Variants in ART3 observed in about 807,000 individuals in gnomAD.
ART3 encodes ADP-ribosyltransferase 3 (inactive).
ART3 carries 49 observed loss-of-function variants against 48.5 expected under a neutral mutation model. The observed-to-expected ratio is 1.01, with a 90% CI of 0.80 to 1.28. The LOEUF is 1.28. ART3 is among the 50% of genes most tolerant of loss of function. The pLI, the probability that ART3 is intolerant of heterozygous loss-of-function variation, is 0.00. For missense variants in ART3, 438 were observed against 454.3 expected (o/e 0.96, Z 0.33); for synonymous variants, 145 against 157.2 (o/e 0.92, Z 0.58).
chr4:76,089,580 C>T (rs905686053), intron 3 of ART3, among the ~76,000 whole-genome samples: 2 of 152,046 alleles, frequency 1.3e-5, no homozygotes, highest in Non-Finnish European at 2.9e-5. Context: ...TACAGCCTGC[C>T]GAATCATGAG....
At chr4:76,069,892 C>G (rs113864247), upstream of ART3, among the ~76,000 whole-genome samples, 904 of 151,928 alleles carry the variant, frequency 6.0e-3, 7 homozygotes, top group Middle Eastern at 0.052. Flanking sequence ...GCACATATAA[C>G]ATACCCAAGA....
At chr4:76,100,650 TC>T in intron 6 of ART3, 144 bp from the exon 7 acceptor site, 1 of 883,542 alleles carries the variant, frequency 1.1e-6, no homozygotes, top group Non-Finnish European at 1.7e-6. Flanking sequence ...AAAAAAAAAT[TC>T]TGGGGGCTTG....
At chr4:76,027,920 T>TAAAA (rs369793426) in intron 1 of ART3, among the ~76,000 whole-genome samples, 1 of 151,462 alleles carries the variant, frequency 6.6e-6, no homozygotes, top group Admixed American at 6.6e-5. Context: ...TAACCAAATC[T>TAAAA]CAGATAGACT....
intron 1 of ART3, chr4:76,022,776 T>G: frequency 6.2e-7 from 1 of 1,613,062 alleles, no homozygotes; most frequent in Non-Finnish European, 8.5e-7. Context: ...TGATTACTAA[T>G]GCTGATGCAG....
intron 1 of ART3, among the ~76,000 whole-genome samples, chr4:76,016,646 T>A (rs1487612194): frequency 6.6e-6 from 1 of 152,176 alleles, no homozygotes; most frequent in Non-Finnish European, 1.5e-5. Context: ...CAGGCTTATA[T>A]CCTTCCCTGC....
In ART3 at chr4:76,064,649, A is replaced by G. The variant is rs1054232406; in HGVS notation, c.-9-11232A>G. Among the ~76,000 whole-genome samples, 7 of 152,194 alleles carry G rather than the reference A, an allele frequency of 4.6e-5. No homozygotes were observed. In the East Asian group the frequency reaches 7.7e-4, roughly 17 times the overall value. ...TTGACAACATAAAGATAAAAGAACT[A>G]CTGATGGAAGCTGGGAGGTGAAAGG... On this transcript the variant is annotated intron_variant, in intron 1 of 9. Coordinates refer to the ART3 transcript ENST00000341029.
intron 1 of ART3, among the ~76,000 whole-genome samples, chr4:76,058,375 T>C (rs1005627035): frequency 6.6e-6 from 1 of 152,198 alleles, no homozygotes; most frequent in African/African-American, 2.4e-5. Flanking sequence ...CTGATTAGTG[T>C]ACCTAATGTA....
At chr4:76,023,451 C>T (rs377480085) in intron 1 of ART3, 3 of 1,610,804 alleles carry the variant, frequency 1.9e-6, no homozygotes, top group African/African-American at 2.7e-5. Context: ...ACTGGAGGTT[C>T]CTCTGCTGTA....
chr4:76,017,835 CA>C (rs945110682), intron 1 of ART3, among the ~76,000 whole-genome samples: 2 of 152,226 alleles, frequency 1.3e-5, no homozygotes, highest in Non-Finnish European at 2.9e-5. Context: ...CCACTGAGTT[CA>C]GCCTAATTTT....
chr4:76,105,561 T>C (rs759200475), intron 10 of ART3: 17 of 1,288,524 alleles, frequency 1.3e-5, no homozygotes, highest in African/African-American at 1.5e-5. Context: ...CCTGGTAATA[T>C]ATTCTTTATT....
At chr4:76,022,302 T>C in intron 1 of ART3, 1 of 1,345,232 alleles carries the variant, frequency 7.4e-7, no homozygotes, top group Non-Finnish European at 1.1e-6. Context: ...AATGCAAGTA[T>C]TTCTGACTCC....
rs1729709662 is a variant in ART3, at chr4:76,112,694, C to CAGTG, written c.*177_*178insTGAG. The CAGTG allele has an allele frequency of 3.1e-6, 2 of 647,120 alleles. No homozygotes were observed. Among genetic ancestry groups the CAGTG allele is most frequent in the Non-Finnish European group, 2.4e-6 (1 of 415,932 alleles). The allele number at this position is 647,120 out of a possible 1,614,324, so 40.1% of individuals were successfully genotyped here. ...AGAAAGTTGGTCCAGATATATGTCA[C>CAGTG]AGAACTTTTCACTTGTATACTACTC... On this transcript the variant is annotated 3_prime_UTR_variant, in exon 12 of 12. Coordinates refer to ENST00000355810, the MANE Select transcript of ART3 (RefSeq NM_001130016.3).
intron 3 of ART3, among the ~76,000 whole-genome samples, chr4:76,089,973 G>A (rs576565933): frequency 6.6e-6 from 1 of 152,198 alleles, no homozygotes; most frequent in Non-Finnish European, 1.5e-5. Flanking sequence ...CCAGCTACTC[G>A]GGAGGCTGAG....
intron 1 of ART3, among the ~76,000 whole-genome samples, chr4:76,037,539 C>G (rs1734550569): frequency 1.3e-5 from 2 of 152,162 alleles, no homozygotes; most frequent in African/African-American, 4.8e-5. Context: ...ACAATCATAG[C>G]TCACTGCAGC....
chr4:76,058,304 TACA>T (rs1718878127), intron 1 of ART3, among the ~76,000 whole-genome samples: 2 of 152,086 alleles, frequency 1.3e-5, no homozygotes, highest in Non-Finnish European at 2.9e-5. Context: ...GAAGAAAGAG[TACA>T]ACATGAATTA....
intron 1 of ART3, among the ~76,000 whole-genome samples, chr4:76,032,567 G>C (rs1733966301): frequency 7.0e-6 from 1 of 143,118 alleles, no homozygotes. Flanking sequence ...AGTAGTCAAA[G>C]ATTAGATTCA....
intron 1 of ART3, chr4:76,035,825 A>T: frequency 9.5e-7 from 1 of 1,056,352 alleles, no homozygotes; most frequent in Non-Finnish European, 1.4e-6. Context: ...CTGTGAGATT[A>T]AATAAAACTT....
intron 1 of ART3, among the ~76,000 whole-genome samples, chr4:76,017,601 C>G (rs1056194773): frequency 6.6e-6 from 1 of 152,078 alleles, no homozygotes; most frequent in African/African-American, 2.4e-5. Context: ...GTCATGTTCC[C>G]CCAACTAGGT....
intron 10 of ART3, chr4:76,105,846 G>A: frequency 1.0e-6 from 1 of 985,412 alleles, no homozygotes; most frequent in Non-Finnish European, 1.2e-6. Flanking sequence ...GCTTCTCAGG[G>A]TGAAGGAATC....
Sources: gnomAD v4.1 joint callset for allele counts (sites outside exome capture counted in the v4.1 genomes callset) on GRCh38, gnomAD v4.1.1 for gene constraint, MANE v1.5 for transcripts, NCBI Gene and HGNC (gene_info 2026-07-23, HGNC 2026-07-21) for gene names.